The following DNAH8 variants were observed in gnomAD, a reference collection of about 807,000 sequenced individuals.
The protein encoded by DNAH8 is axonemal beta dynein heavy chain 8.
DNAH8 carries 382 observed loss-of-function variants against 562.1 expected under a neutral mutation model. The observed-to-expected ratio is 0.68, with a 90% CI of 0.63 to 0.74. The LOEUF (loss-of-function observed/expected upper bound fraction) is 0.74. Among genes scored for constraint, DNAH8 ranks in the 30% least tolerant of loss-of-function variants. The probability of loss-of-function intolerance (pLI) is 0.00; values close to 1 mark genes in which losing one functional copy is unlikely to be tolerated. For missense variants in DNAH8, 5,203 were observed against 5,620.4 expected (o/e 0.93, Z 2.37); for synonymous variants, 1,881 against 1,919.4 (o/e 0.98, Z 0.52).
chr6:38,961,719 A>G (rs1389659785), intron 82 of DNAH8, among the ~76,000 whole-genome samples: 2 of 152,010 alleles, frequency 1.3e-5, no homozygotes, highest in African/African-American at 4.8e-5. Flanking sequence ...ATGATTATGA[A>G]CCCCAAACAT....
At chr6:38,776,769 A>G (rs917951500) in intron 13 of DNAH8, among the ~76,000 whole-genome samples, 1 of 152,180 alleles carries the variant, frequency 6.6e-6, no homozygotes, top group Non-Finnish European at 1.5e-5. Flanking sequence ...GTAGTCAGAA[A>G]GTATGTCAGA....
intron 53 of DNAH8, among the ~76,000 whole-genome samples, chr6:38,880,919 TC>T (rs1778427406): frequency 6.6e-6 from 1 of 152,096 alleles, no homozygotes; most frequent in Admixed American, 6.5e-5. Context: ...TCCCAGCTAC[TC>T]AGGAGGCTGA....
rs1350996814 is a variant in DNAH8 at position 38,737,085 on chromosome 6, C to A, written c.781C>A (p.Leu261Met). 2 of 1,559,774 alleles carry A rather than the reference C, an allele frequency of 1.3e-6. No individual in the cohort carries two copies. The highest frequency in any genetic ancestry group is 2.5e-5 in the South Asian group (2 of 79,906). ...CTTTCAGGAAGCGCTCTTTACTGTT[C>A]TGGATGCGTCGAAAGGACTCTTAAA... ...TIQEEALFTV[L>M]DASKGLLNGI... The change falls in exon 6 of 93, where the codon CTG becomes ATG. Residue 261 changes from leucine (L) to methionine (M), a missense_variant. By Grantham distance (15) the Leu-to-Met change is conservative (BLOSUM62 2). Coordinates refer to ENST00000327475, the MANE Select transcript of DNAH8 (RefSeq NM_001206927.2).
intron 24 of DNAH8, among the ~76,000 whole-genome samples, chr6:38,811,998 C>T (rs1008162151): frequency 1.3e-5 from 2 of 152,170 alleles, no homozygotes; most frequent in Non-Finnish European, 2.9e-5. Context: ...TCTTTTGCCC[C>T]AGGTCTGCAT....
At chr6:39,030,004 A>T in intron 92 of DNAH8, 101 bp from the exon 93 acceptor site, 1 of 896,010 alleles carries the variant, frequency 1.1e-6, no homozygotes, top group Non-Finnish European at 1.8e-6. Flanking sequence ...GTGTTTTAAG[A>T]CTGGTGTGTG....
At chr6:38,784,303 C>A (rs1348827604) in intron 17 of DNAH8, among the ~76,000 whole-genome samples, 1 of 152,156 alleles carries the variant, frequency 6.6e-6, no homozygotes, top group Non-Finnish European at 1.5e-5. Flanking sequence ...GAATTTTTAA[C>A]AACTGAAGCA....
At chr6:38,986,679 A>G (rs542096075) in intron 87 of DNAH8, among the ~76,000 whole-genome samples, 1 of 152,388 alleles carries the variant, frequency 6.6e-6, no homozygotes, top group Non-Finnish European at 1.5e-5. Context: ...GCTTCAGAAT[A>G]TAATTCACCA....
At chr6:38,807,932 C>T (rs1249921991) in intron 24 of DNAH8, among the ~76,000 whole-genome samples, 1 of 152,182 alleles carries the variant, frequency 6.6e-6, no homozygotes, top group Non-Finnish European at 1.5e-5. Flanking sequence ...CTACCAGTCC[C>T]CTCATGGGTC....
intron 82 of DNAH8, among the ~76,000 whole-genome samples, chr6:38,957,866 C>CAAAA (rs1209427701): frequency 2.7e-3 from 203 of 75,468 alleles, no homozygotes; most frequent in Middle Eastern, 9.8e-3. Flanking sequence ...ATGCCTACAC[C>CAAAA]AAAAAAAAAA....
intron 89 of DNAH8, among the ~76,000 whole-genome samples, chr6:39,010,212 TA>T (rs1766100340): frequency 6.6e-6 from 1 of 152,204 alleles, no homozygotes; most frequent in African/African-American, 2.4e-5. Context: ...AAGAGACATC[TA>T]AAACTTGTCC....
At chr6:38,890,513 C>T in intron 57 of DNAH8, 139 bp from the exon 58 acceptor site, 1 of 648,194 alleles carries the variant, frequency 1.5e-6, no homozygotes, top group Non-Finnish European at 2.8e-6. Context: ...CTACTGACTC[C>T]CAGTCTTAGC....
Position 38,814,091 on chromosome 6 carries a change from T to C in DNAH8, c.3295T>C (p.Phe1099Leu), listed in dbSNP as rs754452292. Residue 1099 changes from phenylalanine (F) to leucine (L), a missense_variant, in exon 25 of 93, where the codon TTT (phenylalanine) becomes CTT (leucine). This residue lies in a region of DNAH8 where 2,176 missense variants were observed against 2,365.1 expected (regional missense o/e 0.92). Transcript: ENST00000327475. Reference protein sequence around the residue: ...GRKQSEDIISFIKSEVHLAIP... With the variant: ...GRKQSEDIISLIKSEVHLAIP... ...AAAGCAGTCAGAAGATATTATTTCC[T>C]TTATAAAAAGTGAAGTACATCTTGC... 12 of 1,587,532 alleles carry C rather than the reference T, an allele frequency of 7.6e-6. No individual in the cohort carries two copies. Among genetic ancestry groups the C allele is most frequent in the Admixed American group, 1.7e-5 (1 of 59,112 alleles).
chr6:38,776,393 T>G lies in DNAH8; in HGVS notation c.1962+442T>G, dbSNP rs1001218825. The stretch of plus-strand genomic sequence containing the variant: ...CCACCACGCCTGGTTAATTTTTGTA[T>G]TTTTAGTAGAGACAGGGTTTCGCCA... On this transcript the variant is annotated intron_variant, in intron 13 of 92. Transcript: ENST00000327475. 2.0e-5 allele frequency among the ~76,000 whole-genome samples: 3 copies of G among 152,232 alleles called. No homozygotes were observed. In the South Asian group the frequency reaches 6.2e-4, roughly 32 times the overall value.
intron 56 of DNAH8, 126 bp from the exon 57 acceptor site, chr6:38,886,665 C>T: frequency 2.6e-6 from 2 of 763,230 alleles, no homozygotes; most frequent in Non-Finnish European, 4.3e-6. Context: ...TGATCATCGA[C>T]ATTCACAAAC....
intron 12 of DNAH8, among the ~76,000 whole-genome samples, chr6:38,774,740 G>A (rs1767899723): frequency 6.6e-6 from 1 of 152,188 alleles, no homozygotes; most frequent in Non-Finnish European, 1.5e-5. Context: ...GCCAGTAGTA[G>A]TTTGCTTTTG....
chr6:38,912,306 A>G (rs553246574), intron 66 of DNAH8, among the ~76,000 whole-genome samples: 2 of 152,222 alleles, frequency 1.3e-5, no homozygotes, highest in East Asian at 1.9e-4. Context: ...CTACAAAAAT[A>G]TAAAAATTAG....
chr6:38,785,443 C>G (rs1309633770), intron 17 of DNAH8, among the ~76,000 whole-genome samples: 1 of 152,144 alleles, frequency 6.6e-6, no homozygotes, highest in Admixed American at 6.5e-5. Context: ...AAGCTCAGTA[C>G]AGTTTTAAGG....
chr6:38,840,963 AT>A (rs1209388888), intron 33 of DNAH8, among the ~76,000 whole-genome samples: 14 of 151,446 alleles, frequency 9.2e-5, no homozygotes, highest in East Asian at 3.9e-4. Context: ...CTCTTTTCTT[AT>A]TTTTTTTAGT....
At chr6:39,023,046 T>C (rs550715660) in intron 91 of DNAH8, among the ~76,000 whole-genome samples, 2 of 152,346 alleles carry the variant, frequency 1.3e-5, no homozygotes, top group East Asian at 3.9e-4. Flanking sequence ...CCTGTTTTCA[T>C]GTGGGTGGTT....
Sources: gnomAD v4.1 joint callset for allele counts (sites outside exome capture counted in the v4.1 genomes callset) on GRCh38, gnomAD v4.1.1 for gene constraint, gnomAD v4.1.1 regional missense constraint, MANE v1.5 for transcripts, NCBI Gene and HGNC (gene_info 2026-07-23, HGNC 2026-07-21) for gene names.